Variants in ALK observed in about 807,000 individuals in gnomAD.
ALK encodes the protein ALK receptor tyrosine kinase, also known as ALK tyrosine kinase receptor.
A neutral mutation model predicts 163.1 loss-of-function variants in ALK; 74 were observed. That is an observed-to-expected ratio of 0.45 (90% confidence interval 0.38 to 0.55). ALK has a LOEUF of 0.55. ALK is among the 20% of genes least tolerant of loss of function. ALK has a pLI of 0.00. For missense variants in ALK, 2,063 were observed against 2,105.3 expected (o/e 0.98, Z 0.39); for synonymous variants, 960 against 843.2 (o/e 1.14, Z -2.40).
At chr2:29,209,651 G>A in intron 25 of ALK, 135 bp downstream of exon 25, 1 of 666,250 alleles carries the variant, frequency 1.5e-6, no homozygotes, top group Non-Finnish European at 2.6e-6. Context: ...AGCCTGAAAA[G>A]GAACTTAGTG....
At chr2:29,219,509 C>T (rs749116132) in intron 23 of ALK, among the ~76,000 whole-genome samples, 13 of 152,066 alleles carry the variant, frequency 8.5e-5, no homozygotes, top group Non-Finnish European at 1.3e-4. Flanking sequence ...GGAGGGTGGC[C>T]GCTGCTTTTA....
intron 4 of ALK, among the ~76,000 whole-genome samples, chr2:29,493,415 C>G (rs1671950837): frequency 6.6e-6 from 1 of 152,178 alleles, no homozygotes; most frequent in Non-Finnish European, 1.5e-5. Context: ...CGTGTTTTCT[C>G]CAGATGTCCC....
At chr2:29,585,368 C>T (rs1462717643) in intron 3 of ALK, among the ~76,000 whole-genome samples, 1 of 152,106 alleles carries the variant, frequency 6.6e-6, no homozygotes, top group Non-Finnish European at 1.5e-5. Flanking sequence ...CTCTTGTCAC[C>T]CAAGCTGGAG....
chr2:29,471,071 A>C, intron 4 of ALK, among the ~76,000 whole-genome samples: 1 of 152,158 alleles, frequency 6.6e-6, no homozygotes, highest in East Asian at 1.9e-4. Flanking sequence ...TTTTAATGGA[A>C]TACACAATTA....
rs1320328121 is a variant in ALK at position 29,193,786 on chromosome 2, T to C, written c.4301A>G (p.Glu1434Gly). Residue 1434 changes from glutamate (E) to glycine (G), a missense_variant, in exon 29 of 29, where the codon GAG becomes GGG. By Grantham distance (98) the Glu-to-Gly change is moderately conservative (BLOSUM62 -2). Coordinates refer to ENST00000389048, the MANE Select transcript of ALK (RefSeq NM_004304.5). ...LLVSQQAKRE[E>G]ERSPAAPPPL... Reference sequence around the variant, plus strand: ...TGGTGGGGCAGCTGGGCTGCGCTCCTCCTCCCGTTTTGCCTGTTGAGAGAC... The same window carrying C: ...TGGTGGGGCAGCTGGGCTGCGCTCCCCCTCCCGTTTTGCCTGTTGAGAGAC... The C allele has an allele frequency of 6.3e-7, 1 of 1,594,632 alleles. No homozygotes were observed. Among genetic ancestry groups the C allele is most frequent in the African/African-American group, 1.3e-5 (1 of 74,226 alleles).
At chr2:29,735,483 T>C (rs1679865238) in intron 1 of ALK, among the ~76,000 whole-genome samples, 1 of 152,058 alleles carries the variant, frequency 6.6e-6, no homozygotes, top group Non-Finnish European at 1.5e-5. Context: ...AGAGTAGTAG[T>C]AATAATAATT....
chr2:29,533,233 A>C (rs1048592800), intron 3 of ALK, among the ~76,000 whole-genome samples: 2 of 152,174 alleles, frequency 1.3e-5, no homozygotes, highest in Non-Finnish European at 2.9e-5. Context: ...GGCATATAAG[A>C]AAAGTGATCT....
At chr2:29,604,870 A>T (rs1418146738) in intron 3 of ALK, among the ~76,000 whole-genome samples, 2 of 152,190 alleles carry the variant, frequency 1.3e-5, no homozygotes, top group East Asian at 1.9e-4. Context: ...GAGCTATACA[A>T]AGGTGGCATT....
intron 3 of ALK, among the ~76,000 whole-genome samples, chr2:29,680,080 C>T (rs950825464): frequency 1.3e-5 from 2 of 151,976 alleles, no homozygotes; most frequent in Non-Finnish European, 2.9e-5. Context: ...ATTCCCTGTA[C>T]ATGATAAGCT....
chr2:29,856,787 A>G (rs1666150528), intron 1 of ALK, among the ~76,000 whole-genome samples: 1 of 152,230 alleles, frequency 6.6e-6, no homozygotes, highest in South Asian at 2.1e-4. Context: ...GTGTCCTTCC[A>G]GAGGACAAAC....
intron 4 of ALK, among the ~76,000 whole-genome samples, chr2:29,508,894 G>A (rs1205724927): frequency 6.6e-6 from 1 of 151,964 alleles, no homozygotes; most frequent in Non-Finnish European, 1.5e-5. Flanking sequence ...TCCCAAGCGT[G>A]CCCAGTCATG....
chr2:29,337,440 A>G (rs1175725460), intron 5 of ALK, among the ~76,000 whole-genome samples: 1 of 152,152 alleles, frequency 6.6e-6, no homozygotes, highest in Non-Finnish European at 1.5e-5. Context: ...CCTTGTTTGT[A>G]AACCCTCTAA....
intron 4 of ALK, among the ~76,000 whole-genome samples, chr2:29,436,794 G>A (rs1670411333): frequency 6.6e-6 from 1 of 152,178 alleles, no homozygotes; most frequent in South Asian, 2.1e-4. Context: ...AGCCACCAGA[G>A]ATAAATGGCT....
At chr2:29,896,582 A>AC (rs11377307) in intron 1 of ALK, among the ~76,000 whole-genome samples, 103,456 of 151,996 alleles carry the variant, frequency 0.68, 35,975 homozygotes, top group Non-Finnish European at 0.76. Flanking sequence ...GGAGAAACCC[A>AC]CCTGTGGCAC....
intron 3 of ALK, among the ~76,000 whole-genome samples, chr2:29,594,152 T>C (rs1675137292): frequency 6.6e-6 from 1 of 152,182 alleles, no homozygotes; most frequent in South Asian, 2.1e-4. Flanking sequence ...AGTAGTAATG[T>C]TGAAAAATTC....
rs994829019 is a variant in ALK, at chr2:29,921,063, C to T, written c.-404G>A. Reference sequence around the variant, plus strand: ...CCGCAGTCGGAGCTGGGGTCTGTCCCCTCTCGGGGCAGCCTCCAATCTCTG... The same window carrying T: ...CCGCAGTCGGAGCTGGGGTCTGTCCTCTCTCGGGGCAGCCTCCAATCTCTG... On this transcript the variant is annotated 5_prime_UTR_variant, in exon 1 of 29. Transcript: ENST00000389048. 1.5e-5 allele frequency: 4 copies of T among 260,292 alleles called. No homozygotes were observed. The highest frequency in any genetic ancestry group is 8.7e-5 in the African/African-American group (4 of 46,208). The allele number at this position is 260,292 out of a possible 1,614,324, so 16.1% of individuals were successfully genotyped here.
chr2:29,657,835 G>T (rs1379463369), intron 3 of ALK, among the ~76,000 whole-genome samples: 1 of 152,152 alleles, frequency 6.6e-6, no homozygotes, highest in Non-Finnish European at 1.5e-5. Context: ...GAAGCATTCA[G>T]CCCCTTAATG....
At chr2:29,577,840 T>A (rs4128815) in intron 3 of ALK, among the ~76,000 whole-genome samples, 30 of 152,332 alleles carry the variant, frequency 2.0e-4, no homozygotes, top group African/African-American at 7.0e-4. Context: ...ATAAGCCAAT[T>A]CGTCAGACAC....
intron 3 of ALK, among the ~76,000 whole-genome samples, chr2:29,538,959 A>T (rs4233741): frequency 0.87 from 133,144 of 152,176 alleles, 60,319 homozygotes; most frequent in East Asian, 0.99. Flanking sequence ...ACTTCTTCCA[A>T]CAGCTCCAGG....
Sources: allele counts gnomAD v4.1 joint callset (sites outside exome capture counted in the v4.1 genomes callset), GRCh38; gene constraint gnomAD v4.1.1; transcripts MANE v1.5; gene names NCBI Gene and HGNC (gene_info 2026-07-23, HGNC 2026-07-21).